The following RARB variants were observed in gnomAD, a reference collection of about 807,000 sequenced individuals.
The protein encoded by RARB is HBV-activated protein.
In RARB, 17 loss-of-function variants were observed where a neutral mutation model predicts 51.9. That is an observed-to-expected ratio of 0.33 (90% confidence interval 0.22 to 0.49). The LOEUF (loss-of-function observed/expected upper bound fraction) is 0.49. Ranked by LOEUF, RARB falls within the 20% of genes least tolerant of loss-of-function variation. The pLI is 0.99. For synonymous variants in RARB, 215 were observed against 195.4 expected (o/e 1.10, Z -0.84); for missense variants, 369 against 550.8 (o/e 0.67, Z 3.30).
At chr3:25,345,898 T>C in intron 5 of RARB, 1 of 906,300 alleles carries the variant, frequency 1.1e-6, no homozygotes, top group Non-Finnish European at 1.3e-6. Context: ...AATTATCACA[T>C]GTCAGTTTAA....
intron 2 of RARB, among the ~76,000 whole-genome samples, chr3:24,905,623 G>C (rs1419579590): frequency 3.3e-5 from 5 of 152,172 alleles, no homozygotes; most frequent in African/African-American, 9.7e-5. Flanking sequence ...TAAGCATTTT[G>C]TTTATTGCCT....
chr3:25,370,846 A>G (rs1452590016), intron 5 of RARB, among the ~76,000 whole-genome samples: 2 of 152,246 alleles, frequency 1.3e-5, no homozygotes, highest in Non-Finnish European at 2.9e-5. Flanking sequence ...ACCTAAATCC[A>G]GTAGAGTTGC....
chr3:25,487,763 C>T (rs1352341684), intron 2 of RARB, among the ~76,000 whole-genome samples: 2 of 152,136 alleles, frequency 1.3e-5, no homozygotes, highest in Non-Finnish European at 2.9e-5. Flanking sequence ...AGGATGAAAG[C>T]ATTACTTTTG....
chr3:24,835,423 C>T (rs923005872), intron 1 of RARB, among the ~76,000 whole-genome samples: 1 of 152,152 alleles, frequency 6.6e-6, no homozygotes, highest in Non-Finnish European at 1.5e-5. Flanking sequence ...TCATGTCCAT[C>T]TTCACAGGGA....
intron 3 of RARB, among the ~76,000 whole-genome samples, chr3:25,097,009 AT>A (rs1409393043): frequency 1.3e-5 from 2 of 152,200 alleles, no homozygotes; most frequent in Non-Finnish European, 2.9e-5. Context: ...TAAAAGAGGT[AT>A]CTTCACCACC....
chr3:25,004,908 T>C (rs1238634901), intron 2 of RARB, among the ~76,000 whole-genome samples: 3 of 152,218 alleles, frequency 2.0e-5, no homozygotes, highest in Non-Finnish European at 4.4e-5. Flanking sequence ...CTTGGTTATT[T>C]TGAATTCTAA....
intron 5 of RARB, among the ~76,000 whole-genome samples, chr3:25,277,411 A>T (rs2125414248): frequency 6.6e-6 from 1 of 152,300 alleles, no homozygotes; most frequent in East Asian, 1.9e-4. Context: ...GCAGAAGTGG[A>T]AAGACACAAG....
At chr3:25,117,264 G>A (rs992289231) in intron 3 of RARB, among the ~76,000 whole-genome samples, 1 of 152,152 alleles carries the variant, frequency 6.6e-6, no homozygotes, top group African/African-American at 2.4e-5. Context: ...CTGAAGGTGT[G>A]TAACAGGAAT....
chr3:25,050,075 T>G (rs570169251), intron 2 of RARB, among the ~76,000 whole-genome samples: 1 of 152,202 alleles, frequency 6.6e-6, no homozygotes, highest in East Asian at 1.9e-4. Context: ...TCTAGGTGGG[T>G]GAGGAAGGGT....
intron 2 of RARB, among the ~76,000 whole-genome samples, chr3:25,004,104 C>G (rs1255358577): frequency 6.6e-6 from 1 of 152,130 alleles, no homozygotes. Context: ...CAAGTTTTCT[C>G]TACCCTATTG....
chr3:24,993,642 C>G (rs1696960607), intron 2 of RARB, among the ~76,000 whole-genome samples: 1 of 152,074 alleles, frequency 6.6e-6, no homozygotes, highest in South Asian at 2.1e-4. Context: ...TATCCTTGAA[C>G]AAATCTGTCC....
chr3:25,030,227 C>T (rs1459350697), intron 2 of RARB, among the ~76,000 whole-genome samples: 2 of 152,174 alleles, frequency 1.3e-5, no homozygotes, highest in Non-Finnish European at 2.9e-5. Context: ...TATTGTTCAA[C>T]TTGTGTTTTA....
At chr3:25,054,049 G>A (rs905127159) in intron 2 of RARB, among the ~76,000 whole-genome samples, 1 of 152,088 alleles carries the variant, frequency 6.6e-6, no homozygotes, top group Non-Finnish European at 1.5e-5. Context: ...GGGGTTGAGT[G>A]GGGAGTCCAT....
intron 2 of RARB, among the ~76,000 whole-genome samples, chr3:25,041,106 A>C (rs1210222172): frequency 6.6e-6 from 1 of 152,226 alleles, no homozygotes. Context: ...AATGGTGGGC[A>C]GAGGGATTAT....
chr3:25,216,073 G>A (rs1701826198), intron 5 of RARB, among the ~76,000 whole-genome samples: 2 of 152,074 alleles, frequency 1.3e-5, no homozygotes, highest in Admixed American at 6.5e-5. Context: ...AGAGGTGCAG[G>A]TATACATATG....
intron 3 of RARB, among the ~76,000 whole-genome samples, chr3:25,566,922 C>A (rs926020016): frequency 6.6e-6 from 1 of 152,132 alleles, no homozygotes; most frequent in African/African-American, 2.4e-5. Context: ...GGTCATAAGG[C>A]CCACCTCACC....
chr3:25,332,975 T>A (rs1704949492), intron 5 of RARB, among the ~76,000 whole-genome samples: 1 of 152,214 alleles, frequency 6.6e-6, no homozygotes, highest in Non-Finnish European at 1.5e-5. Context: ...ACAAGGGATG[T>A]GAAGGACCTA....
chr3:25,066,385 T>C (rs1698662813), intron 3 of RARB, among the ~76,000 whole-genome samples: 1 of 152,180 alleles, frequency 6.6e-6, no homozygotes, highest in Non-Finnish European at 1.5e-5. Context: ...ATAAATACTT[T>C]TCTGTTTTTA....
At chr3:25,093,169 T>C (rs1041508114) in intron 3 of RARB, among the ~76,000 whole-genome samples, 2 of 152,194 alleles carry the variant, frequency 1.3e-5, no homozygotes, top group African/African-American at 4.8e-5. Flanking sequence ...AACTGGATAA[T>C]TAGGTTTTGG....
Sources: allele counts gnomAD v4.1 joint callset (sites outside exome capture counted in the v4.1 genomes callset), GRCh38; gene constraint gnomAD v4.1.1; transcripts MANE v1.5; gene names NCBI Gene and HGNC (gene_info 2026-07-23, HGNC 2026-07-21).